Variants in ROBO1 observed in about 807,000 individuals in gnomAD.
The protein encoded by ROBO1 is roundabout homolog 1.
Under a neutral mutation model 195.9 loss-of-function variants are expected in ROBO1, and 149 were observed. The ratio of observed to expected loss-of-function variants is 0.76; its 90% CI spans 0.67 to 0.87. The LOEUF (loss-of-function observed/expected upper bound fraction) is 0.87. Ranked by LOEUF, ROBO1 falls within the 40% of genes least tolerant of loss-of-function variation. ROBO1 has a pLI of 0.00. For missense variants in ROBO1, 1,933 were observed against 2,068.3 expected, an observed-to-expected ratio of 0.93 and a Z score of 1.27; for synonymous variants, 816 against 733.2, an observed-to-expected ratio of 1.11 and a Z score of -1.82.
At chr3:78,956,125 ATACT>A (rs2041035437) in intron 3 of ROBO1, among the ~76,000 whole-genome samples, 1 of 152,198 alleles carries the variant, frequency 6.6e-6, no homozygotes, top group African/African-American at 2.4e-5. Flanking sequence ...GTAATCATAA[ATACT>A]TAAATAGTAT....
chr3:78,930,352 G>A (rs1287784980), intron 4 of ROBO1, among the ~76,000 whole-genome samples: 1 of 152,180 alleles, frequency 6.6e-6, no homozygotes, highest in Non-Finnish European at 1.5e-5. Flanking sequence ...GCAGTGTGCT[G>A]GGAGCCATGT....
In ROBO1 at chr3:78,600,144, T is replaced by A. The variant is rs1703083836; in HGVS notation, c.4910A>T (p.Glu1637Val). The A allele has an allele frequency of 6.2e-7, 1 of 1,613,272 alleles. No homozygotes were observed. The highest frequency in any genetic ancestry group is 8.5e-7 in the Non-Finnish European group (1 of 1,179,484). The change falls in exon 30 of 31, where the codon GAA (glutamate) becomes GTA (valine). Residue 1637 changes from glutamate (E) to valine (V), a missense_variant. This residue lies in a region of ROBO1 where 1,737 missense variants were observed against 1,882.5 expected (regional missense o/e 0.92). Transcript: ENST00000464233. The stretch of plus-strand genomic sequence containing the variant: ...TTCTTCATTATTATCTTCTCCTCTT[T>A]CATATCCTCCAAGTACCTGCATTTC... ...IAEMQVLGGY[E>V]RGEDNNEELE...
chr3:78,756,386 T>A (rs533762701), intron 4 of ROBO1, among the ~76,000 whole-genome samples: 1 of 152,098 alleles, frequency 6.6e-6, no homozygotes, highest in Admixed American at 6.6e-5. Context: ...CAAGAACTAA[T>A]AACATATTAA....
At chr3:78,857,504 T>A (rs1212922961) in intron 4 of ROBO1, among the ~76,000 whole-genome samples, 1 of 152,172 alleles carries the variant, frequency 6.6e-6, no homozygotes, top group Non-Finnish European at 1.5e-5. Context: ...ATATTCCTGT[T>A]TTAGATATGA....
At chr3:79,181,290 A>G (rs2081335722) in intron 2 of ROBO1, among the ~76,000 whole-genome samples, 1 of 152,196 alleles carries the variant, frequency 6.6e-6, no homozygotes, top group African/African-American at 2.4e-5. Context: ...TAAGCTACCT[A>G]ATCACAGAGC....
intron 2 of ROBO1, among the ~76,000 whole-genome samples, chr3:79,342,410 A>G (rs758147733): frequency 1.3e-5 from 2 of 152,210 alleles, no homozygotes; most frequent in Non-Finnish European, 2.9e-5. Flanking sequence ...AATTTGTCAG[A>G]CATCATAAAG....
chr3:79,352,285 C>G (rs2109269842), intron 2 of ROBO1, among the ~76,000 whole-genome samples: 1 of 152,222 alleles, frequency 6.6e-6, no homozygotes, highest in South Asian at 2.1e-4. Flanking sequence ...ACTTACTATT[C>G]CTTATTTTTT....
intron 4 of ROBO1, among the ~76,000 whole-genome samples, chr3:78,839,937 C>A: frequency 6.6e-6 from 1 of 152,112 alleles, no homozygotes. Flanking sequence ...TAACAGTGAA[C>A]AAATGATAAC....
intron 2 of ROBO1, among the ~76,000 whole-genome samples, chr3:79,275,558 T>A (rs1315569953): frequency 6.6e-6 from 1 of 152,026 alleles, no homozygotes; most frequent in East Asian, 1.9e-4. Flanking sequence ...GCCTTCCCAC[T>A]AAAATCTGGA....
chr3:79,172,612 T>A (rs1453684223), intron 2 of ROBO1, among the ~76,000 whole-genome samples: 1 of 152,196 alleles, frequency 6.6e-6, no homozygotes, highest in East Asian at 1.9e-4. Context: ...AAGTACAAAC[T>A]ACATTTTTTT....
intron 1 of ROBO1, among the ~76,000 whole-genome samples, chr3:79,715,108 A>G (rs1702432313): frequency 6.6e-6 from 1 of 152,082 alleles, no homozygotes; most frequent in Non-Finnish European, 1.5e-5. Flanking sequence ...TAGCAAAGAC[A>G]ATGGTTTCTG....
In ROBO1 at chr3:78,661,043, T is replaced by C. The variant is rs1008929918; in HGVS notation, c.2307A>G (p.Lys769=). 1.2e-6 allele frequency: 2 copies of C among 1,612,402 alleles called. No individual in the cohort carries two copies. Among genetic ancestry groups the C allele is most frequent in the African/African-American group, 2.7e-5 (2 of 74,902 alleles). ...CATCATACTTGCCTTCTTCCAGGGT[T>C]TTGGCAAACTTGATTTCACTATCTG... The part of the protein sequence containing the change: ...QGADSEIKFA[K]TLEEAPSAPP... The change falls in exon 16 of 31, where the codon AAA becomes AAG. Residue 769 remains lysine (K), a synonymous_variant. Transcript: ENST00000464233.
At chr3:79,004,520 G>A (rs568898015) in intron 3 of ROBO1, among the ~76,000 whole-genome samples, 1 of 152,270 alleles carries the variant, frequency 6.6e-6, no homozygotes, top group South Asian at 2.1e-4. Flanking sequence ...AGTATGTAGA[G>A]GATGCTAGAG....
At chr3:79,175,677 C>T (rs1020947940) in intron 2 of ROBO1, among the ~76,000 whole-genome samples, 2 of 152,130 alleles carry the variant, frequency 1.3e-5, no homozygotes, top group Non-Finnish European at 2.9e-5. Context: ...TGTCTTTCTT[C>T]CAGGTGACTG....
chr3:78,810,819 A>G (rs2084714599), intron 4 of ROBO1, among the ~76,000 whole-genome samples: 1 of 152,170 alleles, frequency 6.6e-6, no homozygotes, highest in Non-Finnish European at 1.5e-5. Flanking sequence ...CCTCTTGTTA[A>G]TGTTTATTTA....
chr3:78,952,980 G>C (rs1303381085), intron 3 of ROBO1, among the ~76,000 whole-genome samples: 1 of 152,028 alleles, frequency 6.6e-6, no homozygotes, highest in African/African-American at 2.4e-5. Context: ...GGAAATTCCA[G>C]GAGTGAATGC....
At chr3:79,153,350 A>G (rs530814086) in intron 2 of ROBO1, among the ~76,000 whole-genome samples, 2 of 151,852 alleles carry the variant, frequency 1.3e-5, no homozygotes, top group South Asian at 2.1e-4. Flanking sequence ...AATTTTATTT[A>G]GTGCTAATTT....
At chr3:78,867,792 A>G (rs2035274501) in intron 4 of ROBO1, among the ~76,000 whole-genome samples, 1 of 152,148 alleles carries the variant, frequency 6.6e-6, no homozygotes, top group Non-Finnish European at 1.5e-5. Context: ...ATTTTCTTCA[A>G]GTGGCCCACA....
chr3:79,200,849 T>G (rs959321558), intron 2 of ROBO1, among the ~76,000 whole-genome samples: 4 of 152,020 alleles, frequency 2.6e-5, no homozygotes, highest in Non-Finnish European at 4.4e-5. Flanking sequence ...TATAGTTAAA[T>G]GCTTAGCTCT....
Sources: allele counts gnomAD v4.1 joint callset (sites outside exome capture counted in the v4.1 genomes callset), GRCh38; gene constraint gnomAD v4.1.1; regional missense constraint gnomAD v4.1.1; transcripts MANE v1.5; gene names NCBI Gene and HGNC (gene_info 2026-07-23, HGNC 2026-07-21).